Variants in SERPINB1 observed in about 807,000 individuals in gnomAD.
SERPINB1 encodes serpin family B member 1.
SERPINB1 carries 23 observed loss-of-function variants against 25.9 expected under a neutral mutation model. The ratio of observed to expected loss-of-function variants is 0.89; its 90% CI spans 0.64 to 1.26. The LOEUF (loss-of-function observed/expected upper bound fraction) is 1.26. Among genes scored for constraint, SERPINB1 ranks in the 50% most tolerant of loss-of-function variants. SERPINB1 has a pLI of 0.00. For synonymous variants in SERPINB1, 178 were observed against 178.7 expected (o/e 1.00, Z 0.03); for missense variants, 399 against 463.6 (o/e 0.86, Z 1.28).
chr6:2,837,762 C>A lies in SERPINB1; in HGVS notation c.424+120G>T. On this transcript the variant is annotated intron_variant, in intron 4 of 6. Transcript: ENST00000380739. This position sits in a 1 kb window ranked among gnomAD's most constrained non-coding sequence, Gnocchi z 4.3. ...CACCGGCAGCGTCCTCTGACTGTAA[C>A]CACGATGTGCGCCAGGACTGTGGGA... The A allele has an allele frequency of 1.3e-6, 1 of 773,448 alleles. No homozygotes were observed. The highest frequency in any genetic ancestry group is 2.2e-6 in the Non-Finnish European group (1 of 445,668). 47.9% of individuals were successfully genotyped at this position (773,448 alleles called of 1,614,324 possible).
chr6:2,838,078 A>G, intron 3 of SERPINB1, 79 bp from the exon 4 acceptor site: 2 of 992,916 alleles, frequency 2.0e-6, no homozygotes, highest in Non-Finnish European at 3.0e-6. Context: ...CCCAAAAAGC[A>G]ACAGAAATTG....
chr6:2,835,846 G>C lies in SERPINB1; in HGVS notation c.735+10C>G, dbSNP rs556212495. 31 of 1,608,162 alleles carry C rather than the reference G, an allele frequency of 1.9e-5. No individual in the cohort carries two copies. The South Asian group carries it at 3.1e-4, about 16-fold the overall frequency. ...GAGGAACCACAAAGCATGAAGCCCAGGAGCCATACCTTCTTCAGGCCCGTG... is the reference window on the plus strand; with the variant it reads ...GAGGAACCACAAAGCATGAAGCCCACGAGCCATACCTTCTTCAGGCCCGTG... On this transcript the variant is annotated intron_variant, in intron 6 of 6. Coordinates refer to ENST00000380739, the MANE Select transcript of SERPINB1 (RefSeq NM_030666.4).
At chr6:2,839,412 C>T (rs894593188) in intron 2 of SERPINB1, 1 of 984,766 alleles carries the variant, frequency 1.0e-6, no homozygotes, top group Non-Finnish European at 1.2e-6. Context: ...TAAAACTATT[C>T]TTTGCTGAGG....
At position 2,840,331 on chromosome 6, in the gene SERPINB1, A is replaced by G. The variant is rs950064632; in HGVS notation, c.168+88T>C. 2.7e-6 allele frequency: 4 copies of G among 1,466,644 alleles called. No individual in the cohort carries two copies. The Admixed American group carries it at 7.7e-5, about 28-fold the overall frequency. 90.9% of individuals were successfully genotyped at this position (1,466,644 alleles called of 1,614,324 possible). A position where few individuals can be genotyped will look rare whatever the true frequency, so the allele number is the denominator to read the frequency against. Reference sequence around the variant, plus strand: ...AATACAGTTCTGAAAACACAAGGTAAGAGCTCAAAGGCACAACCTTTCCAT... The same window carrying G: ...AATACAGTTCTGAAAACACAAGGTAGGAGCTCAAAGGCACAACCTTTCCAT... On this transcript the variant is annotated intron_variant, in intron 2 of 6. Coordinates refer to ENST00000380739, the MANE Select transcript of SERPINB1 (RefSeq NM_030666.4).
rs1056109704 is a variant in SERPINB1, at chr6:2,832,772, A to G, written c.*836T>C. 5 of 150,972 alleles carry G rather than the reference A, an allele frequency of 3.3e-5. No individual in the cohort carries two copies. The highest frequency in any genetic ancestry group is 5.9e-5 in the Non-Finnish European group (4 of 68,094). The allele number at this position is 150,972 out of a possible 1,614,324, so 9.4% of individuals were successfully genotyped here. A position where few individuals can be genotyped will look rare whatever the true frequency, so the allele number is the denominator to read the frequency against. ...CGGTGAGCTGAGATCGTGCCACTGCACTCCAGCCTGGGTAACAGAGCAAGA... is the reference window on the plus strand; with the variant it reads ...CGGTGAGCTGAGATCGTGCCACTGCGCTCCAGCCTGGGTAACAGAGCAAGA... On this transcript the variant is annotated 3_prime_UTR_variant, in exon 7 of 7. Transcript: ENST00000380739.
At position 2,837,987 on chromosome 6, in the gene SERPINB1, A is replaced by G; in HGVS notation, c.319T>C (p.Ser107Pro). Reference protein sequence around the residue: ...TYNFLPEFLVSTQKTYGADLA... With the variant: ...TYNFLPEFLVPTQKTYGADLA... The stretch of plus-strand genomic sequence containing the variant: ...TCAGCACCATATGTTTTCTGAGTCG[A>G]AACCAAGAACTCCTATTAAAAAAAA... The change falls in exon 4 of 7, where the codon TCG (serine) becomes CCG (proline). Residue 107 changes from serine to proline, a missense_variant. Physicochemically the swap from Ser to Pro is moderately conservative, Grantham distance 74 (BLOSUM62 -1). Transcript: ENST00000380739. The surrounding 1 kb of genome is among the most constrained non-coding windows in gnomAD (Gnocchi z 4.3). The G allele has an allele frequency of 6.2e-7, 1 of 1,612,826 alleles. No individual in the cohort carries two copies. The highest frequency in any genetic ancestry group is 1.1e-5 in the South Asian group (1 of 90,870).
Position 2,833,458 on chromosome 6 carries a change from C to T in SERPINB1, c.*150G>A, listed in dbSNP as rs1441731042. 1.3e-6 allele frequency: 1 copy of T among 755,290 alleles called. No homozygotes were observed. Among genetic ancestry groups the T allele is most frequent in the Non-Finnish European group, 2.0e-6 (1 of 501,888 alleles). 46.8% of individuals were successfully genotyped at this position (755,290 alleles called of 1,614,324 possible). On this transcript the variant is annotated 3_prime_UTR_variant, in exon 7 of 7. Transcript: ENST00000380739. ...CCATGCCAAAATTCATGGGTGTAAA[C>T]AGCCAACAGAGCCAAACTTACAAAG...
chr6:2,840,476 A>G lies in SERPINB1; in HGVS notation c.111T>C (p.Ser37=), dbSNP rs759993980. The change falls in exon 2 of 7, where the codon TCT becomes TCC. Residue 37 remains serine (S), a synonymous_variant. Coordinates refer to ENST00000380739, the MANE Select transcript of SERPINB1 (RefSeq NM_030666.4). ...NIFISPFSIS[S]AMAMVFLGTR... ...TCCCCAGAAAAACCATGGCCATAGC[A>G]GATGAAATGCTGAAGGGAGAGATGA... 6.2e-7 allele frequency: 1 copy of G among 1,614,222 alleles called. No homozygotes were observed. The highest frequency in any genetic ancestry group is 8.5e-7 in the Non-Finnish European group (1 of 1,180,034).
intron 2 of SERPINB1, 93 bp from the exon 3 acceptor site, chr6:2,838,779 GT>G (rs1766567969): frequency 2.0e-5 from 20 of 1,009,572 alleles, no homozygotes; most frequent in Non-Finnish European, 2.7e-5. Context: ...AAATTAATGT[GT>G]TTTTATTACT....
chr6:2,833,415 A>G lies in SERPINB1; in HGVS notation c.*193T>C, dbSNP rs1766396290. 5 of 505,312 alleles carry G rather than the reference A, an allele frequency of 9.9e-6. No homozygotes were observed. Among genetic ancestry groups the G allele is most frequent in the Non-Finnish European group, 1.7e-5 (5 of 295,614 alleles). 31.3% of individuals were successfully genotyped at this position (505,312 alleles called of 1,614,324 possible). On this transcript the variant is annotated 3_prime_UTR_variant, in exon 7 of 7. Transcript: ENST00000380739. ...CAACCACTGGATTTTTTTCAATGTA[A>G]AAAAGAAAAATAGATACCCATGCCA...
In SERPINB1 at chr6:2,833,632, G is replaced by T. The variant is rs1331407750; in HGVS notation, c.1116C>A (p.Phe372Leu). Residue 372 changes from phenylalanine (F) to leucine (L), a missense_variant, in exon 7 of 7, where the codon TTC (phenylalanine) becomes TTA (leucine). Physicochemically the swap from Phe to Leu is conservative, Grantham distance 22. Transcript: ENST00000380739. ...TCTAAGGGGAAGAAAATCTCCCCAA[G>T]AATAGGATGCTACCTGAGGAATTAT... Reference protein sequence around the residue: ...IRHNSSGSILFLGRFSSP With the variant: ...IRHNSSGSILLLGRFSSP 6.2e-7 allele frequency: 1 copy of T among 1,611,012 alleles called. No individual in the cohort carries two copies. The highest frequency in any genetic ancestry group is 2.2e-5 in the East Asian group (1 of 44,806).
At position 2,835,935 on chromosome 6, in the gene SERPINB1, A is replaced by T; in HGVS notation, c.656T>A (p.Leu219Gln). The T allele has an allele frequency of 6.2e-7, 1 of 1,614,186 alleles. No individual in the cohort carries two copies. Among genetic ancestry groups the T allele is most frequent in the Non-Finnish European group, 8.5e-7 (1 of 1,180,018 alleles). ...IEDLKCRVLE[L>Q]PYQGEELSMV... ...GCTGAGCTCCTCGCCTTGGTAAGGC[A>T]GTTCCAGCACACGGCACTTAAGGTC... The change falls in exon 6 of 7, where the codon CTG becomes CAG. Residue 219 changes from leucine (L) to glutamine (Q), a missense_variant. Leu to Gln is a moderately radical substitution (Grantham distance 113). Transcript: ENST00000380739.
chr6:2,839,462 T>C, intron 2 of SERPINB1: 1 of 985,098 alleles, frequency 1.0e-6, no homozygotes, highest in South Asian at 4.7e-5. Flanking sequence ...GGAACTGATA[T>C]AACCCTGCAA....
chr6:2,839,499 G>GTT lies in SERPINB1; in HGVS notation c.169-815_169-814dup, dbSNP rs200439477. 323 of 852,638 alleles carry GTT rather than the reference G, an allele frequency of 3.8e-4. 1 individual carries two copies. Among genetic ancestry groups the GTT allele is most frequent in the East Asian group, 1.6e-3 (13 of 8,198 alleles). The allele number at this position is 852,638 out of a possible 1,614,324, so 52.8% of individuals were successfully genotyped here. On this transcript the variant is annotated intron_variant, in intron 2 of 6. Transcript: ENST00000380739. ...AAGCAACTAACAATTAGTAACAGAG[G>GTT]TTTTTTTTTTTTAATGGATTTAAAA...
chr6:2,836,263 C>A lies in SERPINB1; in HGVS notation c.425-13G>T. On this transcript the variant is annotated splice_polypyrimidine_tract_variant and intron_variant, in intron 4 of 6. Coordinates refer to ENST00000380739, the MANE Select transcript of SERPINB1 (RefSeq NM_030666.4). ...TCCGGAATTTTTCCTAAAAAAAAAT[C>A]AAGTTAGCGTAAAAAAAATCCAAAT... 6.3e-7 allele frequency: 1 copy of A among 1,584,092 alleles called. No homozygotes were observed. Among genetic ancestry groups the A allele is most frequent in the South Asian group, 1.2e-5 (1 of 86,028 alleles).
At chr6:2,840,087 A>C (rs1766603770) in intron 2 of SERPINB1, among the ~76,000 whole-genome samples, 1 of 152,102 alleles carries the variant, frequency 6.6e-6, no homozygotes, top group Non-Finnish European at 1.5e-5. Flanking sequence ...GGAAGATGCT[A>C]GCTCAGGAGG....
intron 2 of SERPINB1, chr6:2,839,555 T>C (rs316342): frequency 0.72 from 648,058 of 899,170 alleles, 233,876 homozygotes; most frequent in Middle Eastern, 0.81. Context: ...ATATCTAAAG[T>C]GATGAGTAAT....
chr6:2,840,809 G>A (rs1334959873), intron 1 of SERPINB1, among the ~76,000 whole-genome samples: 2 of 152,262 alleles, frequency 1.3e-5, no homozygotes, highest in Admixed American at 1.3e-4. Context: ...GCAGTTATAG[G>A]GGATTTTAGG....
At position 2,841,813 on chromosome 6, in the gene SERPINB1, C is replaced by G. The variant is rs1219838153; in HGVS notation, c.-10G>C. 2 of 152,358 alleles carry G rather than the reference C, an allele frequency of 1.3e-5. No homozygotes were observed. Among genetic ancestry groups the G allele is most frequent in the African/African-American group, 4.8e-5 (2 of 41,454 alleles). The allele number at this position is 152,358 out of a possible 1,614,324, so 9.4% of individuals were successfully genotyped here. On this transcript the variant is annotated splice_region_variant and 5_prime_UTR_variant, in exon 1 of 7. Transcript: ENST00000380739. This position sits in a 1 kb window ranked among gnomAD's most constrained non-coding sequence, Gnocchi z 4.5. Reference sequence around the variant, plus strand: ...CACCGCTCCGAGGCCCGGCCTTACCCGACAGGCCGCCGAGGCACGCTCCGG... The same window carrying G: ...CACCGCTCCGAGGCCCGGCCTTACCGGACAGGCCGCCGAGGCACGCTCCGG...
Sources: gnomAD v4.1 joint callset for allele counts (sites outside exome capture counted in the v4.1 genomes callset) on GRCh38, gnomAD v4.1.1 for gene constraint, Gnocchi (gnomAD v3.1) non-coding constraint, MANE v1.5 for transcripts, NCBI Gene and HGNC (gene_info 2026-07-23, HGNC 2026-07-21) for gene names.